Variants in FYB1 observed in about 807,000 individuals in gnomAD.
FYB1 encodes the protein FYN-binding protein 1.
In FYB1, 41 loss-of-function variants were observed where a neutral mutation model predicts 94.1. The ratio of observed to expected loss-of-function variants is 0.44; its 90% CI spans 0.34 to 0.57. FYB1 has a LOEUF of 0.57. Ranked by LOEUF, FYB1 falls within the 20% of genes least tolerant of loss-of-function variation. The probability of loss-of-function intolerance (pLI) is 0.02; values close to 1 mark genes in which losing one functional copy is unlikely to be tolerated. For missense variants in FYB1, 1,050 were observed against 976.8 expected (o/e 1.07, Z -1.00); for synonymous variants, 367 against 353.2 (o/e 1.04, Z -0.44).
intron 2 of FYB1, among the ~76,000 whole-genome samples, chr5:39,177,368 G>A (rs554490393): frequency 6.6e-6 from 1 of 152,162 alleles, no homozygotes; most frequent in South Asian, 2.1e-4. Flanking sequence ...AATTCACAGA[G>A]CTATAGAGCT....
At chr5:39,123,168 A>C (rs1214762961) in intron 13 of FYB1, among the ~76,000 whole-genome samples, 1 of 152,202 alleles carries the variant, frequency 6.6e-6, no homozygotes, top group Non-Finnish European at 1.5e-5. Flanking sequence ...CAAATATTTT[A>C]AGGAGTTATT....
At chr5:39,206,916 C>G (rs1379350364) in intron 1 of FYB1, among the ~76,000 whole-genome samples, 12 of 152,144 alleles carry the variant, frequency 7.9e-5, no homozygotes, top group Admixed American at 7.9e-4. Context: ...TAGATATACA[C>G]CAGTACAGGT....
intron 3 of FYB1, among the ~76,000 whole-genome samples, chr5:39,143,612 A>C (rs1742381450): frequency 6.6e-6 from 1 of 152,142 alleles, no homozygotes. Context: ...AACTCCTTAA[A>C]GAGTTAGGAA....
At position 39,267,358 on chromosome 5, in the gene FYB1, T is replaced by TATCATCATC. The variant is rs10658182; in HGVS notation, c.-28+7036_-28+7044dup. ...CTCCACAACAATCCTGTGGGATAGCTATCATCATCATCATCATCATCATCA... is the reference window on the plus strand; with the variant it reads ...CTCCACAACAATCCTGTGGGATAGCTATCATCATCATCATCATCATCATCATCATCATCA... On this transcript the variant is annotated intron_variant, in intron 1 of 1. Coordinates refer to the FYB1 transcript ENST00000510188. 4.7e-3 allele frequency among the ~76,000 whole-genome samples: 686 copies of TATCATCATC among 145,308 alleles called. 1 individual carries two copies. The highest frequency in any genetic ancestry group is 0.03 in the East Asian group (142 of 4,812).
At chr5:39,127,853 G>T (rs1172364543) in intron 10 of FYB1, 46 bp from the exon 11 acceptor site, 4 of 1,531,696 alleles carry the variant, frequency 2.6e-6, no homozygotes, top group South Asian at 1.3e-5. Flanking sequence ...TTATAATTTG[G>T]CCATGTAATG....
intron 10 of FYB1, among the ~76,000 whole-genome samples, chr5:39,128,806 CATG>C (rs1740914203): frequency 6.6e-6 from 1 of 152,064 alleles, no homozygotes; most frequent in Non-Finnish European, 1.5e-5. Context: ...TATACACAAA[CATG>C]ATGAAGGCTT....
intron 1 of FYB1, among the ~76,000 whole-genome samples, chr5:39,230,011 C>T (rs1430181262): frequency 1.3e-5 from 2 of 152,276 alleles, no homozygotes; most frequent in South Asian, 2.1e-4. Flanking sequence ...AATCTCTGAA[C>T]TACTTTATAC....
At chr5:39,255,416 T>C (rs1751895178) in intron 1 of FYB1, among the ~76,000 whole-genome samples, 1 of 148,180 alleles carries the variant, frequency 6.7e-6, no homozygotes, top group African/African-American at 2.6e-5. Context: ...ATCTCTCCAT[T>C]TATCCATTCA....
At chr5:39,203,346 TA>T (rs1189058502) in intron 1 of FYB1, among the ~76,000 whole-genome samples, 4 of 152,148 alleles carry the variant, frequency 2.6e-5, no homozygotes, top group African/African-American at 4.8e-5. Flanking sequence ...TGGAAGTGAC[TA>T]AAAAAAGATT....
chr5:39,161,997 T>C (rs920204409), intron 2 of FYB1, among the ~76,000 whole-genome samples: 1 of 152,092 alleles, frequency 6.6e-6, no homozygotes, highest in African/African-American at 2.4e-5. Flanking sequence ...GTTTTTGCAG[T>C]TCAATTATAT....
intron 1 of FYB1, among the ~76,000 whole-genome samples, chr5:39,227,836 A>G (rs1476786765): frequency 6.6e-6 from 1 of 152,148 alleles, no homozygotes; most frequent in African/African-American, 2.4e-5. Flanking sequence ...GGCCTCATTG[A>G]GTCATGAGCT....
At chr5:39,226,437 G>A (rs1263786166) in intron 1 of FYB1, among the ~76,000 whole-genome samples, 2 of 151,828 alleles carry the variant, frequency 1.3e-5, no homozygotes, top group Non-Finnish European at 2.9e-5. Context: ...GTACATACAA[G>A]CGTTTCCTTC....
chr5:39,202,248 A>G lies in FYB1; in HGVS notation c.713T>C (p.Leu238Ser), dbSNP rs1748402928. The change falls in exon 2 of 19, where the codon TTA (leucine) becomes TCA (serine). Residue 238 changes from leucine to serine, a missense_variant. Leu to Ser is a moderately radical substitution (Grantham distance 145). Coordinates refer to ENST00000512982, the MANE Select transcript of FYB1 (RefSeq NM_001465.6). ...TTCTGAGTCTTCCCTTGCTGGTTTT[A>G]AAGGGCCGCTTTTGGACCTGACTCC... ...PLGVRSKSGP[L>S]KPAREDSENK... 6.2e-7 allele frequency: 1 copy of G among 1,613,938 alleles called. No homozygotes were observed. Among genetic ancestry groups the G allele is most frequent in the Non-Finnish European group, 8.5e-7 (1 of 1,179,882 alleles).
At chr5:39,218,530 T>A (rs1750053533) in intron 1 of FYB1, among the ~76,000 whole-genome samples, 1 of 152,164 alleles carries the variant, frequency 6.6e-6, no homozygotes, top group African/African-American at 2.4e-5. Flanking sequence ...AATGAAAAAA[T>A]ATTTAAAATG....
chr5:39,185,304 T>C (rs1746645619), intron 2 of FYB1, among the ~76,000 whole-genome samples: 2 of 152,064 alleles, frequency 1.3e-5, no homozygotes, highest in African/African-American at 2.4e-5. Flanking sequence ...CACTCTTCTT[T>C]GCATTGTATA....
intron 1 of FYB1, among the ~76,000 whole-genome samples, chr5:39,264,993 C>T (rs531404095): frequency 5.9e-5 from 9 of 152,280 alleles, no homozygotes; most frequent in South Asian, 4.1e-4. Context: ...GTTCTCCAAG[C>T]GTGGGCCCTG....
intron 2 of FYB1, among the ~76,000 whole-genome samples, chr5:39,161,304 A>G (rs1744228799): frequency 6.6e-6 from 1 of 152,194 alleles, no homozygotes; most frequent in African/African-American, 2.4e-5. Flanking sequence ...GAAAACAAAA[A>G]TAATTTAAAA....
chr5:39,217,360 TCA>T (rs1261564030), intron 1 of FYB1, among the ~76,000 whole-genome samples: 1 of 152,184 alleles, frequency 6.6e-6, no homozygotes, highest in Non-Finnish European at 1.5e-5. Context: ...CTGTCCAGGT[TCA>T]CACAGTTGGG....
At chr5:39,110,765 T>G in intron 16 of FYB1, 1 of 344,280 alleles carries the variant, frequency 2.9e-6, no homozygotes, top group Non-Finnish European at 5.5e-6. Context: ...AGTCATTTAT[T>G]GGTAAGTATT....
Sources: allele counts gnomAD v4.1 joint callset (sites outside exome capture counted in the v4.1 genomes callset), GRCh38; gene constraint gnomAD v4.1.1; transcripts MANE v1.5; gene names NCBI Gene and HGNC (gene_info 2026-07-23, HGNC 2026-07-21).